The following ANAPC10 variants were observed in gnomAD, a reference collection of about 807,000 sequenced individuals.
The protein encoded by ANAPC10 is anaphase promoting complex subunit 10, also known as anaphase-promoting complex subunit 10.
Under a neutral mutation model 22.0 loss-of-function variants are expected in ANAPC10, and 12 were observed. The ratio of observed to expected loss-of-function variants is 0.55; its 90% CI spans 0.35 to 0.88. The LOEUF (loss-of-function observed/expected upper bound fraction) is 0.88, where lower values mean the gene tolerates loss of function less well. ANAPC10 is among the 40% of genes least tolerant of loss of function. The pLI is 0.01. For synonymous variants in ANAPC10, 65 were observed against 69.5 expected (o/e 0.94, Z 0.32); for missense variants, 188 against 220.9 (o/e 0.85, Z 0.94).
chr4:145,039,313 T>C (rs1405747584), intron 4 of ANAPC10, among the ~76,000 whole-genome samples: 5 of 152,224 alleles, frequency 3.3e-5, no homozygotes, highest in Non-Finnish European at 7.3e-5. Flanking sequence ...ATGAATAAGA[T>C]GCACAATTCT....
chr4:145,087,411 C>G (rs1363662389), intron 2 of ANAPC10, among the ~76,000 whole-genome samples: 1 of 151,840 alleles, frequency 6.6e-6, no homozygotes, highest in Non-Finnish European at 1.5e-5. Context: ...GGCTGGAGTA[C>G]AGTGGTACGA....
intron 3 of ANAPC10, among the ~76,000 whole-genome samples, chr4:145,076,337 C>T (rs1284808222): frequency 6.6e-6 from 1 of 152,158 alleles, no homozygotes. Flanking sequence ...CTGAGCTGAG[C>T]CTTGGTACCC....
intron 2 of ANAPC10, among the ~76,000 whole-genome samples, chr4:145,092,020 C>T (rs1202930186): frequency 6.6e-6 from 1 of 152,072 alleles, no homozygotes; most frequent in Non-Finnish European, 1.5e-5. Flanking sequence ...CTGCCTCTCC[C>T]TTTCAGGAGC....
intron 3 of ANAPC10, among the ~76,000 whole-genome samples, chr4:145,070,339 C>G (rs985873382): frequency 2.0e-5 from 3 of 151,992 alleles, no homozygotes; most frequent in Non-Finnish European, 4.4e-5. Flanking sequence ...AAAGACAACC[C>G]AATGTAAAAA....
intron 4 of ANAPC10, among the ~76,000 whole-genome samples, chr4:145,054,556 C>CAA (rs1283371321): frequency 1.3e-4 from 9 of 68,318 alleles, no homozygotes; most frequent in African/African-American, 3.3e-4. Flanking sequence ...GACTCTATCT[C>CAA]AAAAAAAAAA....
At chr4:145,053,826 T>A in intron 4 of ANAPC10, 1 of 593,272 alleles carries the variant, frequency 1.7e-6, no homozygotes, top group Non-Finnish European at 3.0e-6. Context: ...TCTATTAAGA[T>A]ATACTTTTAA....
At chr4:145,059,467 A>G (rs2057230168) in intron 4 of ANAPC10, among the ~76,000 whole-genome samples, 1 of 152,120 alleles carries the variant, frequency 6.6e-6, no homozygotes, top group African/African-American at 2.4e-5. Context: ...GAAGACAAAA[A>G]CAGAGCTTAA....
At chr4:145,041,701 A>G (rs1306297355) in intron 4 of ANAPC10, among the ~76,000 whole-genome samples, 1 of 152,242 alleles carries the variant, frequency 6.6e-6, no homozygotes. Context: ...CAAATTGAGG[A>G]GCAAGAATCA....
intron 4 of ANAPC10, among the ~76,000 whole-genome samples, chr4:145,028,743 T>A (rs1265560620): frequency 6.6e-6 from 1 of 152,200 alleles, no homozygotes; most frequent in African/African-American, 2.4e-5. Flanking sequence ...TTCACCACTC[T>A]TGAGCGGCAA....
intron 3 of ANAPC10, among the ~76,000 whole-genome samples, chr4:145,075,060 CTTCT>C (rs371502191): frequency 2.9e-4 from 44 of 152,114 alleles, no homozygotes; most frequent in African/African-American, 9.9e-4. Flanking sequence ...CATCCTAGAC[CTTCT>C]TTATCAGTGT....
At chr4:145,022,797 C>CA (rs750015564) in intron 4 of ANAPC10, among the ~76,000 whole-genome samples, 2,534 of 85,068 alleles carry the variant, frequency 0.03, 71 homozygotes, top group African/African-American at 0.089. Context: ...ACTGCCAAAC[C>CA]AAAAAAAAAA....
Position 145,069,741 on chromosome 4 carries a change from T to C in ANAPC10, c.207-5049A>G, listed in dbSNP as rs1579100459. Among the ~76,000 whole-genome samples, 3 of 152,172 alleles carry C rather than the reference T, an allele frequency of 2.0e-5. No homozygotes were observed. In the South Asian group the frequency reaches 6.2e-4, roughly 32 times the overall value. ...TAATATTACTAAGATGTAATTTGCC[T>C]TTTTCAGAATCATTCTCTTATGAGT... On this transcript the variant is annotated intron_variant, in intron 3 of 4. Coordinates refer to ENST00000507656, the MANE Select transcript of ANAPC10 (RefSeq NM_001256706.2).
At chr4:145,056,412 A>G (rs1742081627) in intron 4 of ANAPC10, among the ~76,000 whole-genome samples, 2 of 152,200 alleles carry the variant, frequency 1.3e-5, no homozygotes, top group South Asian at 2.1e-4. Flanking sequence ...AGAAATAACC[A>G]TAAAGATGGG....
chr4:145,016,122 C>A (rs1208003758), intron 4 of ANAPC10, among the ~76,000 whole-genome samples: 1 of 152,122 alleles, frequency 6.6e-6, no homozygotes, highest in African/African-American at 2.4e-5. Flanking sequence ...CTGGCCAGGG[C>A]AATCAGGCAG....
At chr4:145,098,361 GA>G, upstream of ANAPC10, 1 of 152,600 alleles carries the variant, frequency 6.6e-6, no homozygotes, top group Non-Finnish European at 1.5e-5. Flanking sequence ...GCTGAAAAGT[GA>G]AGGCAAGAGC....
chr4:145,090,064 C>T (rs1747442553), intron 2 of ANAPC10, among the ~76,000 whole-genome samples: 1 of 152,146 alleles, frequency 6.6e-6, no homozygotes, highest in African/African-American at 2.4e-5. Flanking sequence ...AATTAATTGA[C>T]TAAGCCATGT....
chr4:144,996,856 T>C (rs754707714), intron 4 of ANAPC10, among the ~76,000 whole-genome samples: 3 of 152,078 alleles, frequency 2.0e-5, no homozygotes, highest in Non-Finnish European at 4.4e-5. Flanking sequence ...ATTAGACGAA[T>C]GGCTAACTAG....
chr4:144,996,528 C>G (rs2056278), intron 4 of ANAPC10, among the ~76,000 whole-genome samples: 67,970 of 151,976 alleles, frequency 0.45, 15,431 homozygotes, highest in Middle Eastern at 0.5. Flanking sequence ...GAAGACCACA[C>G]TCCCCACAGC....
rs1375935075 is a variant in ANAPC10 at position 145,000,288 on chromosome 4, G to C, written c.328-4685C>G. Among the ~76,000 whole-genome samples the C allele has an allele frequency of 2.6e-5, 4 of 151,918 alleles. No homozygotes were observed. The East Asian group carries it at 7.8e-4, about 29-fold the overall frequency. ...GCAAAAAAGGCAACCTAAAGAATGA[G>C]AGAAAAGCAATATACCCATCTGACA... On this transcript the variant is annotated intron_variant, in intron 4 of 4. Coordinates refer to ENST00000507656, the MANE Select transcript of ANAPC10 (RefSeq NM_001256706.2).
Sources: gnomAD v4.1 joint callset for allele counts (sites outside exome capture counted in the v4.1 genomes callset) on GRCh38, gnomAD v4.1.1 for gene constraint, MANE v1.5 for transcripts, NCBI Gene and HGNC (gene_info 2026-07-23, HGNC 2026-07-21) for gene names.